The following PCCA variants were observed in gnomAD, a reference collection of about 807,000 sequenced individuals.
PCCA encodes the protein propionyl-CoA carboxylase subunit alpha.
PCCA carries 74 observed loss-of-function variants against 101.3 expected under a neutral mutation model. That is an observed-to-expected ratio of 0.73 (90% CI 0.61 to 0.89). The LOEUF (loss-of-function observed/expected upper bound fraction) is 0.89, where lower values mean the gene tolerates loss of function less well. Among genes scored for constraint, PCCA ranks in the 40% least tolerant of loss-of-function variants. The pLI, the probability that PCCA is intolerant of heterozygous loss-of-function variation, is 0.00. For synonymous variants in PCCA, 294 were observed against 313.6 expected, an observed-to-expected ratio of 0.94 and a Z score of 0.66; for missense variants, 891 against 907.0, an observed-to-expected ratio of 0.98 and a Z score of 0.23.
intron 21 of PCCA, among the ~76,000 whole-genome samples, chr13:100,479,384 A>G (rs1265707305): frequency 6.6e-6 from 1 of 152,198 alleles, no homozygotes; most frequent in African/African-American, 2.4e-5. Flanking sequence ...AACCCTGTGC[A>G]GTCAGAAATC....
At chr13:100,463,541 G>T (rs190359272) in intron 21 of PCCA, among the ~76,000 whole-genome samples, 64 of 152,166 alleles carry the variant, frequency 4.2e-4, no homozygotes, top group Admixed American at 8.5e-4. Context: ...CCAGAGAAAA[G>T]GTGGACTCTA....
At chr13:100,507,346 T>C (rs1453017191) in intron 21 of PCCA, among the ~76,000 whole-genome samples, 13 of 152,174 alleles carry the variant, frequency 8.5e-5, no homozygotes, top group Admixed American at 8.5e-4. Flanking sequence ...CCCTTTATCA[T>C]GGGCACACCT....
intron 1 of PCCA, among the ~76,000 whole-genome samples, chr13:100,095,290 A>G (rs1170809076): frequency 1.3e-5 from 2 of 152,180 alleles, no homozygotes; most frequent in Non-Finnish European, 2.9e-5. Context: ...TGGCAAAGAC[A>G]CTTTATCACA....
chr13:100,264,624 A>G (rs1028349465), intron 10 of PCCA, among the ~76,000 whole-genome samples: 5 of 152,058 alleles, frequency 3.3e-5, no homozygotes, highest in Admixed American at 1.3e-4. Context: ...CAGTTTATCC[A>G]TATTGTTGTT....
chr13:100,279,357 G>A (rs1337260256), intron 12 of PCCA, among the ~76,000 whole-genome samples: 1 of 152,148 alleles, frequency 6.6e-6, no homozygotes, highest in Admixed American at 6.5e-5. Flanking sequence ...GTGATAGGGG[G>A]TATTTGATGT....
intron 19 of PCCA, among the ~76,000 whole-genome samples, chr13:100,378,203 G>C (rs1229114354): frequency 1.3e-5 from 2 of 152,112 alleles, no homozygotes; most frequent in Non-Finnish European, 2.9e-5. Context: ...TTATTACTGG[G>C]TATAGTACCA....
At chr13:100,198,589 T>TCAA (rs1369494738) in intron 6 of PCCA, 1 of 152,224 alleles carries the variant, frequency 6.6e-6, no homozygotes, top group Admixed American at 6.5e-5. Flanking sequence ...AACCTCTGCC[T>TCAA]GCTGGCTCAA....
intron 5 of PCCA, among the ~76,000 whole-genome samples, chr13:100,156,652 A>G (rs1403237872): frequency 6.6e-6 from 1 of 152,176 alleles, no homozygotes; most frequent in Non-Finnish European, 1.5e-5. Flanking sequence ...AAGAGTAGAC[A>G]TTAGAAGAAA....
intron 21 of PCCA, among the ~76,000 whole-genome samples, chr13:100,486,738 C>A (rs1314526870): frequency 6.6e-6 from 1 of 152,034 alleles, no homozygotes; most frequent in Non-Finnish European, 1.5e-5. Context: ...CCTAGTGAGA[C>A]CTCATCTCTG....
intron 12 of PCCA, among the ~76,000 whole-genome samples, chr13:100,274,495 C>A (rs1038950353): frequency 2.0e-5 from 3 of 152,126 alleles, no homozygotes; most frequent in Admixed American, 1.3e-4. Flanking sequence ...TGTTCTCGTA[C>A]ACTTCAGGAG....
intron 22 of PCCA, among the ~76,000 whole-genome samples, chr13:100,518,411 C>T (rs1426220109): frequency 6.6e-6 from 1 of 152,174 alleles, no homozygotes; most frequent in Non-Finnish European, 1.5e-5. Flanking sequence ...CTTGGTGTGG[C>T]AGGGCCTTGT....
chr13:100,410,735 A>G (rs2077997308), intron 19 of PCCA, among the ~76,000 whole-genome samples: 1 of 152,156 alleles, frequency 6.6e-6, no homozygotes, highest in South Asian at 2.1e-4. Flanking sequence ...TCCCAAACCC[A>G]TGTCCACTGA....
chr13:100,321,238 C>T (rs1248816430), intron 16 of PCCA, among the ~76,000 whole-genome samples: 2 of 152,136 alleles, frequency 1.3e-5, no homozygotes, highest in Non-Finnish European at 2.9e-5. Context: ...TAGTTTGTCT[C>T]TTTGTGAAAC....
chr13:100,480,622 T>C (rs765184377), intron 21 of PCCA, among the ~76,000 whole-genome samples: 1 of 152,094 alleles, frequency 6.6e-6, no homozygotes, highest in Non-Finnish European at 1.5e-5. Flanking sequence ...AACCTCTCCA[T>C]GAAACACACA....
chr13:100,323,128 C>T (rs2068244843), intron 16 of PCCA, among the ~76,000 whole-genome samples: 1 of 152,226 alleles, frequency 6.6e-6, no homozygotes, highest in African/African-American at 2.4e-5. Context: ...CTTGACTCTG[C>T]TGTTACAACA....
chr13:100,485,971 G>A (rs1247303112), intron 21 of PCCA, among the ~76,000 whole-genome samples: 1 of 152,200 alleles, frequency 6.6e-6, no homozygotes, highest in Non-Finnish European at 1.5e-5. Flanking sequence ...GTGCAGTCCC[G>A]TTAGTCTACC....
intron 19 of PCCA, among the ~76,000 whole-genome samples, chr13:100,409,290 C>G (rs2077879203): frequency 6.6e-6 from 1 of 152,210 alleles, no homozygotes; most frequent in African/African-American, 2.4e-5. Context: ...TCACTCACTG[C>G]TTCTTGAGCC....
Position 100,493,776 on chromosome 13 carries a change from G to A in PCCA, c.1900-21651G>A, listed in dbSNP as rs149330322. Among the ~76,000 whole-genome samples, 32 of 152,304 alleles carry A rather than the reference G, an allele frequency of 2.1e-4. No individual in the cohort carries two copies. In the East Asian group the frequency reaches 5.4e-3, roughly 26 times the overall value. On this transcript the variant is annotated intron_variant, in intron 21 of 23. Coordinates refer to ENST00000376285, the MANE Select transcript of PCCA (RefSeq NM_000282.4). The stretch of plus-strand genomic sequence containing the variant: ...CACAAAACGTGATGTGTTTCAGTCC[G>A]TGCCCGGTGAACACTATTCTCCACC...
chr13:100,162,769 A>G (rs1405324846), intron 6 of PCCA, among the ~76,000 whole-genome samples: 1 of 151,942 alleles, frequency 6.6e-6, no homozygotes, highest in Non-Finnish European at 1.5e-5. Context: ...GCCTTTAACC[A>G]CTCGTTGATA....
Sources: allele counts gnomAD v4.1 joint callset (sites outside exome capture counted in the v4.1 genomes callset), GRCh38; gene constraint gnomAD v4.1.1; transcripts MANE v1.5; gene names NCBI Gene and HGNC (gene_info 2026-07-23, HGNC 2026-07-21).